Variants in SGIP1 observed in about 807,000 individuals in gnomAD.
The protein encoded by SGIP1 is SH3GL interacting endocytic adaptor 1, also known as SH3-containing GRB2-like protein 3-interacting protein 1.
Under a neutral mutation model 107.5 loss-of-function variants are expected in SGIP1, and 38 were observed. The observed-to-expected ratio is 0.35, with a 90% CI of 0.27 to 0.46. The LOEUF (loss-of-function observed/expected upper bound fraction) is 0.46. Among genes scored for constraint, SGIP1 ranks in the 20% least tolerant of loss-of-function variants. SGIP1 has a pLI of 1.00. For synonymous variants in SGIP1, 365 were observed against 366.1 expected, an observed-to-expected ratio of 1.00 and a Z score of 0.03; for missense variants, 929 against 1,019.5, an observed-to-expected ratio of 0.91 and a Z score of 1.21.
At chr1:66,617,572 A>T (rs1438677361) in intron 1 of SGIP1, among the ~76,000 whole-genome samples, 1 of 152,330 alleles carries the variant, frequency 6.6e-6, no homozygotes, top group East Asian at 1.9e-4. Flanking sequence ...CCTGTTTTTT[A>T]TTACTGAGAC....
At chr1:66,648,135 A>G (rs2077992980) in intron 7 of SGIP1, among the ~76,000 whole-genome samples, 1 of 152,170 alleles carries the variant, frequency 6.6e-6, no homozygotes, top group Admixed American at 6.5e-5. Context: ...AATAACCTTG[A>G]TACTGCTCAA....
At chr1:66,653,623 T>C (rs896527802) in intron 7 of SGIP1, among the ~76,000 whole-genome samples, 2 of 152,170 alleles carry the variant, frequency 1.3e-5, no homozygotes, top group Non-Finnish European at 2.9e-5. Flanking sequence ...TGGTTGGAGA[T>C]CACAAACACT....
intron 14 of SGIP1, among the ~76,000 whole-genome samples, chr1:66,680,048 TTTAA>T (rs746427009): frequency 2.0e-5 from 3 of 152,242 alleles, no homozygotes; most frequent in South Asian, 2.1e-4. Context: ...AAATTCATTG[TTTAA>T]TTAACCCCTC....
At chr1:66,671,880 G>T (rs2083903781) in intron 10 of SGIP1, 64 bp from the exon 11 acceptor site, 1 of 1,470,158 alleles carries the variant, frequency 6.8e-7, no homozygotes, top group Admixed American at 1.7e-5. Flanking sequence ...CCAAACATAG[G>T]TTATAAGACA....
intron 2 of SGIP1, among the ~76,000 whole-genome samples, chr1:66,631,095 GA>G (rs1448514058): frequency 1.5e-5 from 2 of 136,462 alleles, no homozygotes; most frequent in Non-Finnish European, 3.2e-5. Flanking sequence ...AAGAAAGAAA[GA>G]AAGAAAAAAA....
At position 66,750,034 on chromosome 1, in the gene SGIP1, GGGGTGTGTGTGTGTGTGT is replaced by G. The variant is rs1299120280; in HGVS notation, c.*6941_*6958del. On this transcript the variant is annotated 3_prime_UTR_variant, in exon 25 of 25. Coordinates refer to ENST00000371037, the MANE Select transcript of SGIP1 (RefSeq NM_032291.4). ...CTCTCTCTTTCTCTGTGTGTGTGTGGGGGTGTGTGTGTGTGTGTGTGTGTGTGTGTGTGTCTCTTTCCT... is the reference window on the plus strand; with the variant it reads ...CTCTCTCTTTCTCTGTGTGTGTGTGGGTGTGTGTGTGTGTGTCTCTTTCCT... 6.6e-3 allele frequency among the ~76,000 whole-genome samples: 608 copies of G among 92,128 alleles called. 5 individuals carry two copies. The highest frequency in any genetic ancestry group is 0.022 in the African/African-American group (578 of 26,072). 60.4% of individuals were successfully genotyped at this position (92,128 alleles called of 152,430 possible). A position where few individuals can be genotyped will look rare whatever the true frequency, so the allele number is the denominator to read the frequency against.
intron 1 of SGIP1, among the ~76,000 whole-genome samples, chr1:66,546,892 G>A (rs1400643893): frequency 1.3e-5 from 2 of 152,128 alleles, no homozygotes; most frequent in African/African-American, 2.4e-5. Flanking sequence ...TGCAAGTCCC[G>A]ACTGTGTCTG....
chr1:66,626,758 A>C (rs1228363964), intron 2 of SGIP1, among the ~76,000 whole-genome samples: 1 of 152,122 alleles, frequency 6.6e-6, no homozygotes, highest in Non-Finnish European at 1.5e-5. Context: ...GGTTGTGACC[A>C]GGTAGAAATG....
At chr1:66,594,226 A>G (rs560098265) in intron 1 of SGIP1, among the ~76,000 whole-genome samples, 182 of 152,304 alleles carry the variant, frequency 1.2e-3, no homozygotes, top group Non-Finnish European at 2.2e-3. Context: ...TTTTAATGTA[A>G]AGGTGTGTAC....
rs1571582748 is a variant in SGIP1, at chr1:66,671,093, T to C, written c.508+74T>C. On this transcript the variant is annotated intron_variant, in intron 10 of 24. Coordinates refer to ENST00000371037, the MANE Select transcript of SGIP1 (RefSeq NM_032291.4). ...ACAGTTCCTTGGATCTTGGAGTATA[T>C]GTACATATGAATTATACATTCCTGG... The C allele has an allele frequency of 8.3e-6, 6 of 722,814 alleles. No homozygotes were observed. The East Asian group carries it at 1.4e-4, about 17-fold the overall frequency. 44.8% of individuals were successfully genotyped at this position (722,814 alleles called of 1,614,324 possible). A position where few individuals can be genotyped will look rare whatever the true frequency, so the allele number is the denominator to read the frequency against.
intron 9 of SGIP1, among the ~76,000 whole-genome samples, chr1:66,669,224 T>G (rs2083244998): frequency 1.3e-5 from 2 of 152,236 alleles, no homozygotes; most frequent in African/African-American, 4.8e-5. Flanking sequence ...TACAGGGGCT[T>G]CTTCTTTAGT....
rs546335647 is a variant in SGIP1, at chr1:66,570,017, T to C, written c.10+35649T>C. 2.0e-5 allele frequency among the ~76,000 whole-genome samples: 3 copies of C among 151,992 alleles called. 1 individual carries two copies. In the South Asian group the frequency reaches 6.2e-4, roughly 32 times the overall value. On this transcript the variant is annotated intron_variant, in intron 1 of 24. Coordinates refer to ENST00000371037, the MANE Select transcript of SGIP1 (RefSeq NM_032291.4). The stretch of plus-strand genomic sequence containing the variant: ...ATCAACTTGTGGGCATAGAGAAGTT[T>C]ATCATATTCCTTAATTATCCTTTTA...
intron 7 of SGIP1, among the ~76,000 whole-genome samples, chr1:66,654,532 A>T (rs1240011754): frequency 6.6e-6 from 1 of 152,148 alleles, no homozygotes; most frequent in Non-Finnish European, 1.5e-5. Context: ...ATAAATAAGC[A>T]TAACAGTATA....
At chr1:66,546,347 G>A (rs2056386930) in intron 1 of SGIP1, among the ~76,000 whole-genome samples, 1 of 152,138 alleles carries the variant, frequency 6.6e-6, no homozygotes, top group South Asian at 2.1e-4. Flanking sequence ...GATTTTAAGA[G>A]GACAGGTTTC....
At position 66,690,184 on chromosome 1, in the gene SGIP1, T is replaced by C. The variant is rs776777372; in HGVS notation, c.1444-6T>C. 1.9e-6 allele frequency: 3 copies of C among 1,598,288 alleles called. No individual in the cohort carries two copies. In the African/African-American group the frequency reaches 4.1e-5, roughly 22 times the overall value. On this transcript the variant is annotated splice_region_variant and splice_polypyrimidine_tract_variant and intron_variant, in intron 16 of 24. Transcript: ENST00000371037. ...TAACTTTTCATCTCTTTTCTTCTCC[T>C]TACAGTCCAGACCTTTTAGCCCTCC...
intron 7 of SGIP1, among the ~76,000 whole-genome samples, chr1:66,653,090 C>A (rs1365217389): frequency 6.6e-6 from 1 of 152,186 alleles, no homozygotes; most frequent in Non-Finnish European, 1.5e-5. Context: ...CCCCTCTAGA[C>A]AGACCTGCAG....
intron 18 of SGIP1, among the ~76,000 whole-genome samples, chr1:66,717,916 T>C (rs1400270480): frequency 1.3e-5 from 2 of 152,176 alleles, no homozygotes; most frequent in African/African-American, 2.4e-5. Context: ...CTGCTGCTGA[T>C]GGTAACTCAT....
At position 66,660,038 on chromosome 1, in the gene SGIP1, GGAAA is replaced by G. The variant is rs150385370; in HGVS notation, c.460-462_460-459del. 1.9e-4 allele frequency: 17 copies of G among 91,546 alleles called. 2 individuals carry two copies. The highest frequency in any genetic ancestry group is 2.8e-4 in the Non-Finnish European group (15 of 54,332). The allele number at this position is 91,546 out of a possible 1,614,324, so 5.7% of individuals were successfully genotyped here. A position where few individuals can be genotyped will look rare whatever the true frequency, so the allele number is the denominator to read the frequency against. ...AGACAGGAAGGAAGGAAGGAAGGAAGGAAAGAAAGAAAGAAAAGAAAGAAAGGAA... is the reference window on the plus strand; with the variant it reads ...AGACAGGAAGGAAGGAAGGAAGGAAGGAAAGAAAGAAAAGAAAGAAAGGAA... On this transcript the variant is annotated intron_variant, in intron 7 of 24. Transcript: ENST00000371037.
chr1:66,658,187 C>T (rs1438737290), intron 7 of SGIP1, among the ~76,000 whole-genome samples: 1 of 152,058 alleles, frequency 6.6e-6, no homozygotes, highest in East Asian at 1.9e-4. Flanking sequence ...AGAAATTTAC[C>T]TTATAAGTAA....
Sources: gnomAD v4.1 joint callset for allele counts (sites outside exome capture counted in the v4.1 genomes callset) on GRCh38, gnomAD v4.1.1 for gene constraint, MANE v1.5 for transcripts, NCBI Gene and HGNC (gene_info 2026-07-23, HGNC 2026-07-21) for gene names.